Variants in TAF4B observed in about 807,000 individuals in gnomAD.
The protein encoded by TAF4B is transcription initiation factor TFIID subunit 4B.
Under a neutral mutation model 86.4 loss-of-function variants are expected in TAF4B, and 38 were observed. The observed-to-expected ratio is 0.44, with a 90% CI of 0.34 to 0.58. The LOEUF (loss-of-function observed/expected upper bound fraction) is 0.58. TAF4B is among the 20% of genes least tolerant of loss of function. TAF4B has a pLI of 0.02. For missense variants in TAF4B, 988 were observed against 1,027.6 expected (o/e 0.96, Z 0.53); for synonymous variants, 388 against 391.2 (o/e 0.99, Z 0.10).
chr18:26,346,845 G>GTATATATATATGTGTATA lies in TAF4B; in HGVS notation c.2317-10834_2317-10833insGTGTATATATATATATAT, dbSNP rs1567913999. Among the ~76,000 whole-genome samples, 72 of 13,962 alleles carry GTATATATATATGTGTATA rather than the reference G, an allele frequency of 5.2e-3. 15 individuals are homozygous for GTATATATATATGTGTATA. Among genetic ancestry groups the GTATATATATATGTGTATA allele is most frequent in the African/African-American group, 9.9e-3 (69 of 6,966 alleles). The allele number at this position is 13,962 out of a possible 152,430, so 9.2% of individuals were successfully genotyped here. A position where few individuals can be genotyped will look rare whatever the true frequency, so the allele number is the denominator to read the frequency against. On this transcript the variant is annotated intron_variant, in intron 13 of 14. Transcript: ENST00000269142. ...TGTGTATATATATATATGTGTGTGT[G>GTATATATATATGTGTATA]TATATATATATATGTGTATATATAT...
intron 10 of TAF4B, among the ~76,000 whole-genome samples, chr18:26,319,313 G>A (rs1283305228): frequency 1.3e-5 from 2 of 151,888 alleles, no homozygotes; most frequent in South Asian, 4.2e-4. Flanking sequence ...CCAACATGGT[G>A]AAACGCCATC....
rs750044132 is a variant in TAF4B at position 26,274,723 on chromosome 18, A to G, written c.658A>G (p.Thr220Ala). The stretch of plus-strand genomic sequence containing the variant: ...TCCTGGAAAGCCATTGAATACTGTA[A>G]CTACCCTGAAGCCTTCAAGTTTGGG... ...VTPGKPLNTV[T>A]TLKPSSLGAS... Residue 220 changes from threonine (T) to alanine (A), a missense_variant, in exon 4 of 15, where the codon ACT becomes GCT. Physicochemically the swap from Thr to Ala is moderately conservative, Grantham distance 58. This residue lies in a region of TAF4B where 747 missense variants were observed against 737.9 expected (regional missense o/e 1.01). Transcript: ENST00000269142. The G allele has an allele frequency of 2.5e-5, 41 of 1,614,192 alleles. No individual in the cohort carries two copies. Among genetic ancestry groups the G allele is most frequent in the Non-Finnish European group, 3.0e-5 (35 of 1,180,016 alleles).
intron 1 of TAF4B, among the ~76,000 whole-genome samples, chr18:26,238,630 T>A (rs1008789154): frequency 6.6e-6 from 1 of 152,124 alleles, no homozygotes; most frequent in Non-Finnish European, 1.5e-5. Flanking sequence ...AGGGTACATG[T>A]GCACAATGTG....
chr18:26,355,270 GA>G (rs2057279145), intron 13 of TAF4B, among the ~76,000 whole-genome samples: 1 of 152,094 alleles, frequency 6.6e-6, no homozygotes, highest in Non-Finnish European at 1.5e-5. Flanking sequence ...GTCTTAGGAG[GA>G]TTTTTTTTAT....
Position 26,329,214 on chromosome 18 carries a change from C to T in TAF4B, c.2259+2074C>T, listed in dbSNP as rs62085405. On this transcript the variant is annotated intron_variant, in intron 12 of 14. Transcript: ENST00000269142. The stretch of plus-strand genomic sequence containing the variant: ...CTGGGACTACACGCACACACCACTA[C>T]GCCTGGCTAAATTTTGATTTTTTGT... Among the ~76,000 whole-genome samples, 739 of 152,178 alleles carry T rather than the reference C, an allele frequency of 4.9e-3. 5 individuals are homozygous for T. Among genetic ancestry groups the T allele is most frequent in the Non-Finnish European group, 8.5e-3 (577 of 68,002 alleles).
At chr18:26,276,897 A>G (rs2056390786) in intron 5 of TAF4B, among the ~76,000 whole-genome samples, 1 of 152,194 alleles carries the variant, frequency 6.6e-6, no homozygotes, top group African/African-American at 2.4e-5. Flanking sequence ...ATGGACAGAT[A>G]GAAACAGTTA....
chr18:26,285,222 G>GTTTTTGTTTTTGTTTGTTTTTT, intron 6 of TAF4B, among the ~76,000 whole-genome samples: 1 of 45,660 alleles, frequency 2.2e-5, no homozygotes, highest in Non-Finnish European at 4.5e-5. Flanking sequence ...TTTTTTTTTT[G>GTTTTTGTTTTTGTTTGTTTTTT]TTTTTTTTTT....
intron 11 of TAF4B, among the ~76,000 whole-genome samples, chr18:26,322,598 A>G (rs1479319432): frequency 6.6e-6 from 1 of 152,096 alleles, no homozygotes; most frequent in Non-Finnish European, 1.5e-5. Flanking sequence ...TCCCCCTTAC[A>G]TTACTGATTT....
intron 14 of TAF4B, among the ~76,000 whole-genome samples, chr18:26,386,442 A>G (rs1307917572): frequency 6.6e-6 from 1 of 151,968 alleles, no homozygotes; most frequent in African/African-American, 2.4e-5. Context: ...GAAATATAGC[A>G]TCAATATAGA....
intron 1 of TAF4B, among the ~76,000 whole-genome samples, chr18:26,238,201 T>TA (rs2055779038): frequency 6.6e-6 from 1 of 152,308 alleles, no homozygotes; most frequent in Non-Finnish European, 1.5e-5. Context: ...GAAAACCTGT[T>TA]AGAGTCCTAA....
In TAF4B at chr18:26,315,410, G is replaced by A. The variant is rs2056901984; in HGVS notation, c.2002+12G>A. The A allele has an allele frequency of 1.9e-6, 3 of 1,599,348 alleles. No homozygotes were observed. Among genetic ancestry groups the A allele is most frequent in the Middle Eastern group, 1.7e-4 (1 of 6,010 alleles). On this transcript the variant is annotated intron_variant, in intron 10 of 14. Coordinates refer to ENST00000269142, the MANE Select transcript of TAF4B (RefSeq NM_005640.3). ...AATTTTAGACATTGGTAAGTGTAGA[G>A]TTATGATTATTGACCTGATAGAGAT...
intron 13 of TAF4B, among the ~76,000 whole-genome samples, chr18:26,353,052 A>G (rs2057257685): frequency 1.3e-5 from 2 of 152,186 alleles, no homozygotes; most frequent in African/African-American, 4.8e-5. Flanking sequence ...GAAGAGATAG[A>G]AACACTTCCA....
At chr18:26,255,279 A>G (rs2056065151) in intron 1 of TAF4B, among the ~76,000 whole-genome samples, 1 of 151,498 alleles carries the variant, frequency 6.6e-6, no homozygotes, top group Admixed American at 6.6e-5. Flanking sequence ...CTCTTTTTTT[A>G]GTAAGTTAGA....
intron 1 of TAF4B, among the ~76,000 whole-genome samples, chr18:26,242,605 G>A (rs1252558628): frequency 1.3e-5 from 2 of 151,916 alleles, no homozygotes; most frequent in Non-Finnish European, 2.9e-5. Context: ...ATATTGTTAT[G>A]TGTGAATTTG....
Position 26,315,260 on chromosome 18 carries a change from A to G in TAF4B, c.1864A>G (p.Met622Val). 1.2e-6 allele frequency: 2 copies of G among 1,609,740 alleles called. No individual in the cohort carries two copies. The highest frequency in any genetic ancestry group is 1.7e-6 in the Non-Finnish European group (2 of 1,179,212). Residue 622 changes from methionine to valine, a missense_variant, in exon 10 of 15, where the codon ATG becomes GTG. Physicochemically the swap from Met to Val is conservative, Grantham distance 21. Coordinates refer to ENST00000269142, the MANE Select transcript of TAF4B (RefSeq NM_005640.3). The part of the protein sequence containing the change: ...DEDDINDVTS[M>V]AGVNLNEENA... ...GGATGACATCAATGATGTGACTTCT[A>G]TGGCAGGGGTCAACCTTAATGAAGA...
intron 7 of TAF4B, among the ~76,000 whole-genome samples, chr18:26,289,712 C>T (rs748113283): frequency 2.6e-5 from 4 of 152,148 alleles, no homozygotes; most frequent in South Asian, 2.1e-4. Flanking sequence ...TAGTCTTGAA[C>T]GCCTGAGCTC....
intron 12 of TAF4B, among the ~76,000 whole-genome samples, chr18:26,333,273 T>G (rs1373166008): frequency 6.6e-6 from 1 of 151,864 alleles, no homozygotes; most frequent in African/African-American, 2.4e-5. Context: ...CAGGCTGGAG[T>G]GCAGTGGCCC....
At chr18:26,240,463 G>A (rs1377581240) in intron 1 of TAF4B, among the ~76,000 whole-genome samples, 20 of 152,246 alleles carry the variant, frequency 1.3e-4, no homozygotes, top group East Asian at 1.2e-3. Context: ...GAAGTTGCTT[G>A]TCAGCTTAAG....
intron 1 of TAF4B, among the ~76,000 whole-genome samples, chr18:26,244,886 C>T (rs542541365): frequency 1.4e-4 from 21 of 152,292 alleles, no homozygotes; most frequent in South Asian, 8.3e-4. Context: ...GGGTGAGTCT[C>T]GCTTGGGCGA....
Sources: gnomAD v4.1 joint callset for allele counts (sites outside exome capture counted in the v4.1 genomes callset) on GRCh38, gnomAD v4.1.1 for gene constraint, gnomAD v4.1.1 regional missense constraint, MANE v1.5 for transcripts, NCBI Gene and HGNC (gene_info 2026-07-23, HGNC 2026-07-21) for gene names.